The following PDE4C variants were observed in gnomAD, a reference collection of about 807,000 sequenced individuals.
The protein encoded by PDE4C is 3',5'-cyclic-AMP phosphodiesterase 4C.
PDE4C carries 50 observed loss-of-function variants against 63.9 expected under a neutral mutation model. The ratio of observed to expected loss-of-function variants is 0.78; its 90% CI spans 0.62 to 0.99. PDE4C has a LOEUF of 0.99. PDE4C is among the 50% of genes least tolerant of loss of function. PDE4C has a pLI of 0.00. For synonymous variants in PDE4C, 377 were observed against 385.1 expected (o/e 0.98, Z 0.25); for missense variants, 777 against 899.1 (o/e 0.86, Z 1.74).
chr19:18,249,721 T>C (rs866061318), upstream of PDE4C, among the ~76,000 whole-genome samples: 2 of 151,864 alleles, frequency 1.3e-5, no homozygotes, highest in Non-Finnish European at 2.9e-5. Flanking sequence ...TACAGGCACC[T>C]GCCACCACGC....
chr19:18,215,920 C>T (rs1039941324), intron 12 of PDE4C, among the ~76,000 whole-genome samples: 3 of 150,922 alleles, frequency 2.0e-5, no homozygotes, highest in South Asian at 4.2e-4. Context: ...ACCTCCACCT[C>T]CCGGGTTCAA....
chr19:18,211,113 CCGT>C, exon 15 of PDE4C: 1 of 1,614,174 alleles, frequency 6.2e-7, no homozygotes, highest in Non-Finnish European at 8.5e-7. Flanking sequence ...TCTGTCAGGC[CCGT>C]CCCGCTCGGG....
At chr19:18,251,676 A>ACCCCCCCCCCC (rs1969230557), upstream of PDE4C, among the ~76,000 whole-genome samples, 29 of 23,590 alleles carry the variant, frequency 1.2e-3, no homozygotes, top group African/African-American at 3.1e-3. Context: ...CTCGTGATAC[A>ACCCCCCCCCCC]CGCCCCCCCC....
upstream of PDE4C, among the ~76,000 whole-genome samples, chr19:18,238,342 T>A (rs1460590337): frequency 6.6e-6 from 1 of 151,756 alleles, no homozygotes; most frequent in Admixed American, 6.6e-5. Flanking sequence ...TTCAAGTGAT[T>A]CTCCTGCCTC....
At chr19:18,244,896 C>T (rs1038647441) in intron 1 of PDE4C, among the ~76,000 whole-genome samples, 2 of 151,664 alleles carry the variant, frequency 1.3e-5, no homozygotes, top group Non-Finnish European at 2.9e-5. Flanking sequence ...AGTGCAGTGG[C>T]GCGATATTGT....
chr19:18,221,770 G>A (rs62120392), intron 2 of PDE4C, among the ~76,000 whole-genome samples: 225 of 152,086 alleles, frequency 1.5e-3, no homozygotes, highest in Middle Eastern at 0.01. Context: ...GACTACAGGC[G>A]CGCGCCACCA....
At chr19:18,222,950 T>C (rs1458253987) in intron 1 of PDE4C, among the ~76,000 whole-genome samples, 2 of 151,992 alleles carry the variant, frequency 1.3e-5, no homozygotes, top group South Asian at 4.2e-4. Context: ...TCCTCCCAGC[T>C]CCGCCTCCCA....
At chr19:18,221,082 G>A in intron 4 of PDE4C, 23 bp downstream of exon 4, 6 of 844,316 alleles carry the variant, frequency 7.1e-6, no homozygotes, top group Non-Finnish European at 9.8e-6. Context: ...CCCCGCCCCC[G>A]CCCCGCCCCG....
upstream of PDE4C, among the ~76,000 whole-genome samples, chr19:18,235,211 C>A (rs1384339841): frequency 6.6e-6 from 1 of 152,174 alleles, no homozygotes; most frequent in Non-Finnish European, 1.5e-5. Flanking sequence ...CACTGTGTTA[C>A]CCAGGCTGGA....
upstream of PDE4C, chr19:18,249,896 G>T: frequency 2.6e-6 from 1 of 379,668 alleles, no homozygotes; most frequent in African/African-American, 2.1e-5. Flanking sequence ...ATTCTTATCT[G>T]TCCCTGCCTT....
At chr19:18,233,595 G>A (rs1178462352) in exon 1 of PDE4C, 2 of 473,880 alleles carry the variant, frequency 4.2e-6, no homozygotes, top group African/African-American at 3.9e-5. Context: ...TGGAGGGCAG[G>A]GAGACAGGGT....
upstream of PDE4C, among the ~76,000 whole-genome samples, chr19:18,249,650 T>C (rs1156726872): frequency 1.3e-5 from 2 of 149,582 alleles, no homozygotes; most frequent in Non-Finnish European, 3.0e-5. Flanking sequence ...CTCAGCTCAC[T>C]GCAACCTCCG....
At position 18,215,594 on chromosome 19, in the gene PDE4C, A is replaced by G. The variant is rs570159261; in HGVS notation, c.1389+1147T>C. 2.8e-4 allele frequency among the ~76,000 whole-genome samples: 42 copies of G among 151,234 alleles called. No homozygotes were observed. The East Asian group carries it at 8.0e-3, about 29-fold the overall frequency. ...GCAGTGTGCGATCTCCGCTCACTGC[A>G]ATCTCCGCCTCCCGGGTTCAAATGA... On this transcript the variant is annotated intron_variant, in intron 12 of 14. Coordinates refer to ENST00000262805, the Ensembl canonical transcript of PDE4C.
intron 1 of PDE4C, among the ~76,000 whole-genome samples, chr19:18,244,706 T>C (rs1969101745): frequency 6.6e-6 from 1 of 152,012 alleles, no homozygotes; most frequent in Non-Finnish European, 1.5e-5. Flanking sequence ...GAGACGGGGT[T>C]TCTCCATGTC....
chr19:18,234,880 G>A (rs1212591249), upstream of PDE4C, among the ~76,000 whole-genome samples: 1 of 152,152 alleles, frequency 6.6e-6, no homozygotes, highest in East Asian at 1.9e-4. Flanking sequence ...CTATGCTTGG[G>A]TGGTTCAGTC....
chr19:18,215,623 T>C (rs1235366616), intron 12 of PDE4C, among the ~76,000 whole-genome samples: 1 of 151,908 alleles, frequency 6.6e-6, no homozygotes, highest in African/African-American at 2.4e-5. Flanking sequence ...CAAATGATTC[T>C]CCTGACTCAG....
At chr19:18,244,446 G>A (rs1296886423) in intron 1 of PDE4C, among the ~76,000 whole-genome samples, 5 of 151,332 alleles carry the variant, frequency 3.3e-5, no homozygotes, top group East Asian at 1.9e-4. Context: ...AGGCGACCGC[G>A]ACCACACCTA....
chr19:18,242,314 A>G (rs912212461), intron 1 of PDE4C, among the ~76,000 whole-genome samples: 1 of 151,386 alleles, frequency 6.6e-6, no homozygotes, highest in African/African-American at 2.4e-5. Context: ...TTGTCTCTAT[A>G]AAAATACAAA....
At chr19:18,213,482 G>A (rs1442479617) in exon 13 of PDE4C, 1 of 1,611,932 alleles carries the variant, frequency 6.2e-7, no homozygotes, top group South Asian at 1.1e-5. Context: ...ACATGTCTGT[G>A]GCCAGCACCT....
Sources: allele counts gnomAD v4.1 joint callset (sites outside exome capture counted in the v4.1 genomes callset), GRCh38; gene constraint gnomAD v4.1.1; transcripts MANE v1.5; gene names NCBI Gene and HGNC (gene_info 2026-07-23, HGNC 2026-07-21).